Variants in MYO3B observed in about 807,000 individuals in gnomAD.
MYO3B encodes myosin-IIIb.
A neutral mutation model predicts 174.6 loss-of-function variants in MYO3B; 156 were observed. That is an observed-to-expected ratio of 0.89 (90% confidence interval 0.78 to 1.02). MYO3B has a LOEUF of 1.02. Ranked by LOEUF, MYO3B falls within the 50% of genes least tolerant of loss-of-function variation. MYO3B has a pLI of 0.00. For synonymous variants in MYO3B, 563 were observed against 569.1 expected, an observed-to-expected ratio of 0.99 and a Z score of 0.15; for missense variants, 1,632 against 1,639.4, an observed-to-expected ratio of 1.00 and a Z score of 0.08.
At chr2:170,455,158 G>T (rs1013086265) in intron 23 of MYO3B, among the ~76,000 whole-genome samples, 1 of 152,196 alleles carries the variant, frequency 6.6e-6, no homozygotes, top group Non-Finnish European at 1.5e-5. Context: ...TTCTAATCTT[G>T]TGGCTAATTT....
chr2:170,436,848 G>GT (rs960136397), intron 22 of MYO3B, among the ~76,000 whole-genome samples: 4 of 152,058 alleles, frequency 2.6e-5, no homozygotes, highest in Non-Finnish European at 1.5e-5. Context: ...ACCTTTCATA[G>GT]TTTTTTTGAC....
intron 30 of MYO3B, among the ~76,000 whole-genome samples, chr2:170,533,996 CAAAT>C (rs1689524669): frequency 6.6e-6 from 1 of 152,152 alleles, no homozygotes; most frequent in African/African-American, 2.4e-5. Flanking sequence ...CTATAAACAA[CAAAT>C]AGTCTTTTTT....
chr2:170,551,831 T>C (rs1326086968), intron 32 of MYO3B, among the ~76,000 whole-genome samples: 3 of 152,300 alleles, frequency 2.0e-5, no homozygotes, highest in East Asian at 3.9e-4. Flanking sequence ...GATTGGATCA[T>C]TGAGGTGGGG....
In MYO3B at chr2:170,537,448, A is replaced by ATTTTTTTTTTTTTTT. The variant is rs559086883; in HGVS notation, c.3576-5439_3576-5425dup. On this transcript the variant is annotated intron_variant, in intron 30 of 34. Transcript: ENST00000408978. The stretch of plus-strand genomic sequence containing the variant: ...ACCTTCTCTTATTAAGAGCTCTTTG[A>ATTTTTTTTTTTTTTT]TTTTTTTTTTTTTTTTTTTTTTTTT... Among the ~76,000 whole-genome samples, 10 of 54,820 alleles carry ATTTTTTTTTTTTTTT rather than the reference A, an allele frequency of 1.8e-4. 3 individuals carry two copies. Among genetic ancestry groups the ATTTTTTTTTTTTTTT allele is most frequent in the East Asian group, 7.2e-4 (1 of 1,380 alleles). 36.0% of individuals were successfully genotyped at this position (54,820 alleles called of 152,430 possible).
intron 8 of MYO3B, among the ~76,000 whole-genome samples, chr2:170,355,535 A>G (rs769907749): frequency 2.9e-4 from 44 of 152,102 alleles, no homozygotes; most frequent in Non-Finnish European, 2.4e-4. Context: ...TGGAGTAATT[A>G]TTGTCATCAT....
chr2:170,197,805 T>C (rs1382551128), intron 1 of MYO3B, among the ~76,000 whole-genome samples: 2 of 152,152 alleles, frequency 1.3e-5, no homozygotes, highest in East Asian at 3.8e-4. Context: ...ATAAATAACA[T>C]TTTATGGTAA....
At chr2:170,468,721 T>G (rs1016706953) in intron 25 of MYO3B, among the ~76,000 whole-genome samples, 1 of 152,178 alleles carries the variant, frequency 6.6e-6, no homozygotes, top group African/African-American at 2.4e-5. Context: ...GGAGCCACAC[T>G]GTTGAGGGAC....
intron 32 of MYO3B, among the ~76,000 whole-genome samples, chr2:170,629,376 T>C (rs976271209): frequency 9.9e-5 from 15 of 152,168 alleles, no homozygotes; most frequent in South Asian, 2.1e-4. Context: ...TTCCCTGTTA[T>C]TTTTCCCCCA....
chr2:170,522,342 AT>A (rs1168287884), intron 30 of MYO3B, among the ~76,000 whole-genome samples: 1 of 152,148 alleles, frequency 6.6e-6, no homozygotes, highest in Non-Finnish European at 1.5e-5. Context: ...CACTTCTATG[AT>A]TGACATAAAC....
intron 32 of MYO3B, among the ~76,000 whole-genome samples, chr2:170,593,902 T>A (rs1693976710): frequency 6.6e-6 from 1 of 152,194 alleles, no homozygotes; most frequent in Admixed American, 6.5e-5. Context: ...ATGTTATTTC[T>A]TGGGGCTCGC....
intron 32 of MYO3B, among the ~76,000 whole-genome samples, chr2:170,631,454 G>C (rs542127653): frequency 3.9e-5 from 6 of 152,014 alleles, no homozygotes; most frequent in Non-Finnish European, 8.8e-5. Context: ...GGGGAGAATG[G>C]AACCAAGCTG....
At chr2:170,512,735 A>T (rs994865375) in intron 28 of MYO3B, among the ~76,000 whole-genome samples, 1 of 152,152 alleles carries the variant, frequency 6.6e-6, no homozygotes, top group African/African-American at 2.4e-5. Context: ...TAAAGGGGGA[A>T]AAAAAAGGAG....
chr2:170,561,055 C>T (rs1029564104), intron 32 of MYO3B, among the ~76,000 whole-genome samples: 2 of 152,214 alleles, frequency 1.3e-5, no homozygotes, highest in Non-Finnish European at 2.9e-5. Context: ...ATTAAGAAAG[C>T]AAGGTACCTC....
At chr2:170,220,762 A>C (rs1370732885) in intron 6 of MYO3B, among the ~76,000 whole-genome samples, 5 of 151,982 alleles carry the variant, frequency 3.3e-5, no homozygotes, top group Non-Finnish European at 5.9e-5. Flanking sequence ...TGCCTGTTGC[A>C]GTGGATCAAT....
chr2:170,342,673 T>C (rs2093985052), intron 8 of MYO3B, among the ~76,000 whole-genome samples: 1 of 152,166 alleles, frequency 6.6e-6, no homozygotes, highest in Non-Finnish European at 1.5e-5. Context: ...ATATAACTCT[T>C]ATGCTAGGCA....
At chr2:170,489,508 T>C (rs914149679) in intron 25 of MYO3B, among the ~76,000 whole-genome samples, 3 of 152,252 alleles carry the variant, frequency 2.0e-5, no homozygotes, top group Non-Finnish European at 4.4e-5. Flanking sequence ...CTACCATTTA[T>C]GGTTTTGCAC....
At chr2:170,505,897 A>G (rs553918361) in intron 28 of MYO3B, among the ~76,000 whole-genome samples, 1 of 152,300 alleles carries the variant, frequency 6.6e-6, no homozygotes, top group East Asian at 1.9e-4. Flanking sequence ...ATTTTCATCT[A>G]ATTGCTTCAG....
chr2:170,579,929 C>T (rs1271830613), intron 32 of MYO3B, among the ~76,000 whole-genome samples: 1 of 152,228 alleles, frequency 6.6e-6, no homozygotes, highest in Non-Finnish European at 1.5e-5. Context: ...GGGAACCCTG[C>T]CCAGAGAGGT....
chr2:170,189,137 G>A (rs2092507576), intron 1 of MYO3B, among the ~76,000 whole-genome samples: 1 of 152,088 alleles, frequency 6.6e-6, no homozygotes, highest in South Asian at 2.1e-4. Context: ...TAGGATAAAA[G>A]TTTTTTTCCT....
Sources: allele counts gnomAD v4.1 joint callset (sites outside exome capture counted in the v4.1 genomes callset), GRCh38; gene constraint gnomAD v4.1.1; transcripts MANE v1.5; gene names NCBI Gene and HGNC (gene_info 2026-07-23, HGNC 2026-07-21).